CHMP4C: variants seen among roughly 807,000 people sequenced by gnomAD.
The protein encoded by CHMP4C is SNF7 homolog associated with Alix 3.
CHMP4C carries 28 observed loss-of-function variants against 29.0 expected under a neutral mutation model. That is an observed-to-expected ratio of 0.97 (90% CI 0.72 to 1.32). The LOEUF is 1.32. Ranked by LOEUF, CHMP4C falls within the 40% of genes most tolerant of loss-of-function variation. CHMP4C has a pLI of 0.00. For missense variants in CHMP4C, 291 were observed against 281.0 expected, an observed-to-expected ratio of 1.04 and a Z score of -0.25; for synonymous variants, 106 against 102.4, an observed-to-expected ratio of 1.04 and a Z score of -0.21.
At chr8:81,738,780 G>A (rs1002970648) in intron 1 of CHMP4C, among the ~76,000 whole-genome samples, 7 of 152,168 alleles carry the variant, frequency 4.6e-5, no homozygotes, top group Admixed American at 1.3e-4. Context: ...CTCTCAAAAT[G>A]TGATACTCAG....
At chr8:81,751,529 AT>A (rs1808903128) in intron 1 of CHMP4C, among the ~76,000 whole-genome samples, 1 of 152,128 alleles carries the variant, frequency 6.6e-6, no homozygotes, top group Non-Finnish European at 1.5e-5. Flanking sequence ...AACTTGTTTA[AT>A]TATATGTGTC....
At chr8:81,756,275 C>T (rs1455662756) in intron 3 of CHMP4C, among the ~76,000 whole-genome samples, 1 of 152,064 alleles carries the variant, frequency 6.6e-6, no homozygotes, top group Non-Finnish European at 1.5e-5. Flanking sequence ...GTTTGTATAT[C>T]CCAAAAGCTC....
At chr8:81,754,372 A>T (rs1038225900) in intron 2 of CHMP4C, among the ~76,000 whole-genome samples, 1 of 152,142 alleles carries the variant, frequency 6.6e-6, no homozygotes, top group African/African-American at 2.4e-5. Context: ...CCTTTTAAAA[A>T]TATATTTGTT....
Position 81,732,566 on chromosome 8 carries a change from C to A in CHMP4C, c.-61C>A. 1.5e-6 allele frequency: 2 copies of A among 1,338,040 alleles called. No individual in the cohort carries two copies. Among genetic ancestry groups the A allele is most frequent in the Admixed American group, 2.6e-5 (1 of 37,784 alleles). 82.9% of individuals were successfully genotyped at this position (1,338,040 alleles called of 1,614,324 possible). A position where few individuals can be genotyped will look rare whatever the true frequency, so the allele number is the denominator to read the frequency against. On this transcript the variant is annotated 5_prime_UTR_variant, in exon 1 of 5. Coordinates refer to ENST00000297265, the MANE Select transcript of CHMP4C (RefSeq NM_152284.4). ...CTGCCTTGCTCACCTGTCCCCTCGG[C>A]GCGGCCCCGGGGAGCTCCCGAGAGG...
At chr8:81,752,025 G>A (rs1808910184) in intron 1 of CHMP4C, among the ~76,000 whole-genome samples, 1 of 152,042 alleles carries the variant, frequency 6.6e-6, no homozygotes, top group African/African-American at 2.4e-5. Flanking sequence ...CACCAAGAAA[G>A]TATAATGGCT....
At chr8:81,751,847 T>C (rs772774740) in intron 1 of CHMP4C, among the ~76,000 whole-genome samples, 11 of 151,972 alleles carry the variant, frequency 7.2e-5, no homozygotes. Context: ...GTCTTTAATA[T>C]GTATATAAAA....
chr8:81,757,684 C>T (rs1252694167), intron 3 of CHMP4C, among the ~76,000 whole-genome samples: 1 of 152,174 alleles, frequency 6.6e-6, no homozygotes, highest in East Asian at 1.9e-4. Context: ...GATAAAAGAA[C>T]CATAGTATCT....
chr8:81,744,889 A>G (rs1471724281), intron 1 of CHMP4C, among the ~76,000 whole-genome samples: 1 of 152,176 alleles, frequency 6.6e-6, no homozygotes, highest in Non-Finnish European at 1.5e-5. Flanking sequence ...TGAATGAATA[A>G]AGGTATTTTT....
intron 1 of CHMP4C, among the ~76,000 whole-genome samples, chr8:81,737,965 CTCCTGT>C (rs1019424468): frequency 6.6e-6 from 1 of 152,242 alleles, no homozygotes; most frequent in Non-Finnish European, 1.5e-5. Flanking sequence ...TTCTTCAAGT[CTCCTGT>C]TCCTTGCCTA....
At chr8:81,748,626 T>C (rs1205097086) in intron 1 of CHMP4C, among the ~76,000 whole-genome samples, 1 of 152,070 alleles carries the variant, frequency 6.6e-6, no homozygotes, top group Non-Finnish European at 1.5e-5. Context: ...TGTTATGCGG[T>C]AGTCTCAGAA....
intron 1 of CHMP4C, among the ~76,000 whole-genome samples, chr8:81,750,147 A>C (rs1011058012): frequency 4.6e-5 from 7 of 152,208 alleles, no homozygotes; most frequent in African/African-American, 7.2e-5. Context: ...ATAAAACAAG[A>C]ATAGGCTGCC....
intron 1 of CHMP4C, among the ~76,000 whole-genome samples, chr8:81,750,446 T>TAAA (rs60937204): frequency 7.0e-6 from 1 of 142,216 alleles, no homozygotes; most frequent in Non-Finnish European, 1.5e-5. Flanking sequence ...ACAAAAAAAT[T>TAAA]AAAAAAAAAA....
intron 1 of CHMP4C, among the ~76,000 whole-genome samples, chr8:81,749,617 C>T (rs1186094331): frequency 6.6e-6 from 1 of 152,162 alleles, no homozygotes; most frequent in Non-Finnish European, 1.5e-5. Context: ...AAGCTCTAGA[C>T]CTACGTTTTA....
chr8:81,742,226 C>T (rs1056758576), intron 1 of CHMP4C, among the ~76,000 whole-genome samples: 2 of 152,146 alleles, frequency 1.3e-5, no homozygotes, highest in African/African-American at 4.8e-5. Flanking sequence ...ACATCTCTTC[C>T]CCAATCTAAG....
Position 81,758,730 on chromosome 8 carries a change from C to T in CHMP4C, c.*186C>T, listed in dbSNP as rs1011928159. 3 of 573,070 alleles carry T rather than the reference C, an allele frequency of 5.2e-6. No individual in the cohort carries two copies. Among genetic ancestry groups the T allele is most frequent in the South Asian group, 2.3e-5 (1 of 43,588 alleles). The allele number at this position is 573,070 out of a possible 1,614,324, so 35.5% of individuals were successfully genotyped here. On this transcript the variant is annotated 3_prime_UTR_variant, in exon 5 of 5. Coordinates refer to ENST00000297265, the MANE Select transcript of CHMP4C (RefSeq NM_152284.4). Reference sequence around the variant, plus strand: ...GCATACATAGAATCAGTGATGGAGGCCAGGCACGGTATCTCATGCCTATAA... The same window carrying T: ...GCATACATAGAATCAGTGATGGAGGTCAGGCACGGTATCTCATGCCTATAA...
intron 1 of CHMP4C, among the ~76,000 whole-genome samples, chr8:81,736,726 G>A (rs1383762270): frequency 2.0e-5 from 3 of 152,176 alleles, no homozygotes; most frequent in Non-Finnish European, 4.4e-5. Context: ...TTCATGCAGG[G>A]TGAATTGGAG....
chr8:81,753,674 C>T (rs955457124), intron 2 of CHMP4C, among the ~76,000 whole-genome samples: 4 of 152,020 alleles, frequency 2.6e-5, no homozygotes, highest in Non-Finnish European at 5.9e-5. Flanking sequence ...CATGTGATTC[C>T]GATGCTAACC....
intron 3 of CHMP4C, among the ~76,000 whole-genome samples, chr8:81,757,222 T>G (rs1292149238): frequency 6.6e-6 from 1 of 152,198 alleles, no homozygotes; most frequent in African/African-American, 2.4e-5. Context: ...GAGTTCAAAA[T>G]CTGCCCAGGA....
At chr8:81,739,057 C>G (rs72603870) in intron 1 of CHMP4C, among the ~76,000 whole-genome samples, 15,932 of 150,604 alleles carry the variant, frequency 0.11, 1,468 homozygotes, top group East Asian at 0.48. Context: ...GATGAAATAT[C>G]TATCCACCTT....
Sources: gnomAD v4.1 joint callset for allele counts (sites outside exome capture counted in the v4.1 genomes callset) on GRCh38, gnomAD v4.1.1 for gene constraint, MANE v1.5 for transcripts, NCBI Gene and HGNC (gene_info 2026-07-23, HGNC 2026-07-21) for gene names.